The following SPAG16 variants were observed in gnomAD, a reference collection of about 807,000 sequenced individuals.
The protein encoded by SPAG16 is sperm-associated antigen 16 protein.
In SPAG16, 86 loss-of-function variants were observed where a neutral mutation model predicts 80.4. The ratio of observed to expected loss-of-function variants is 1.07; its 90% CI spans 0.90 to 1.28. The LOEUF is 1.28. SPAG16 is among the 50% of genes most tolerant of loss of function. SPAG16 has a pLI of 0.00. For synonymous variants in SPAG16, 294 were observed against 265.9 expected, an observed-to-expected ratio of 1.11 and a Z score of -1.03; for missense variants, 870 against 765.3, an observed-to-expected ratio of 1.14 and a Z score of -1.61.
At chr2:213,707,314 T>G (rs78692194) in intron 10 of SPAG16, among the ~76,000 whole-genome samples, 2 of 152,232 alleles carry the variant, frequency 1.3e-5, no homozygotes, top group Admixed American at 1.3e-4. Context: ...AACGTATTTC[T>G]TCAGTTCTTC....
rs1162913335 is a variant in SPAG16 at position 213,859,198 on chromosome 2, AAAAAAAAAAAAAAAAAAAC to A, written c.1071-3286_1071-3268del. Among the ~76,000 whole-genome samples, 1,309 of 142,126 alleles carry A rather than the reference AAAAAAAAAAAAAAAAAAAC, an allele frequency of 9.2e-3. 56 individuals carry two copies. The highest frequency in any genetic ancestry group is 0.032 in the African/African-American group (1,202 of 38,116). 93.2% of individuals were successfully genotyped at this position (142,126 alleles called of 152,430 possible). On this transcript the variant is annotated intron_variant, in intron 10 of 15. Transcript: ENST00000331683. ...CGTCTCAAAAAAAAAAAAAAAAAAA[AAAAAAAAAAAAAAAAAAAC>A]TCAATGTCCTCTGACAACTTGATGT... is the stretch of plus-strand genomic sequence containing the variant.
At chr2:213,326,660 A>G (rs1194675656) in intron 5 of SPAG16, among the ~76,000 whole-genome samples, 1 of 152,018 alleles carries the variant, frequency 6.6e-6, no homozygotes, top group Non-Finnish European at 1.5e-5. Flanking sequence ...TGTAACTACT[A>G]TTATCAGAAA....
At chr2:214,293,043 T>A (rs1241288365) in intron 15 of SPAG16, among the ~76,000 whole-genome samples, 1 of 152,302 alleles carries the variant, frequency 6.6e-6, no homozygotes, top group East Asian at 1.9e-4. Flanking sequence ...CCAGTGGTGG[T>A]AGTGGTGGGC....
chr2:213,651,568 G>A (rs1288293888), intron 10 of SPAG16, among the ~76,000 whole-genome samples: 1 of 152,084 alleles, frequency 6.6e-6, no homozygotes, highest in African/African-American at 2.4e-5. Flanking sequence ...AACAACAAAA[G>A]CTCTCTTGAC....
chr2:213,533,849 T>C (rs1357437674), intron 10 of SPAG16, among the ~76,000 whole-genome samples: 1 of 152,172 alleles, frequency 6.6e-6, no homozygotes, highest in Admixed American at 6.5e-5. Flanking sequence ...ATGCATGATA[T>C]TAACTTAATG....
chr2:213,579,255 C>T (rs1017447073), intron 10 of SPAG16, among the ~76,000 whole-genome samples: 4 of 152,066 alleles, frequency 2.6e-5, no homozygotes, highest in African/African-American at 7.2e-5. Flanking sequence ...TGGATCTGAG[C>T]AGGGCTGATG....
chr2:214,031,004 G>C (rs2048377526), intron 13 of SPAG16, among the ~76,000 whole-genome samples: 1 of 152,158 alleles, frequency 6.6e-6, no homozygotes, highest in African/African-American at 2.4e-5. Flanking sequence ...GTATTAGTTT[G>C]TTCTCACTTT....
chr2:214,247,693 C>T (rs1689946127), intron 15 of SPAG16, among the ~76,000 whole-genome samples: 1 of 152,070 alleles, frequency 6.6e-6, no homozygotes, highest in Non-Finnish European at 1.5e-5. Flanking sequence ...AGGACAGGTA[C>T]ATTTTCATGA....
At chr2:213,792,988 G>A (rs930998285) in intron 10 of SPAG16, among the ~76,000 whole-genome samples, 18 of 148,384 alleles carry the variant, frequency 1.2e-4, no homozygotes, top group African/African-American at 3.2e-4. Context: ...GTGCAATGGC[G>A]TGATCTCACC....
At chr2:214,227,723 T>TGG (rs1688373075) in intron 15 of SPAG16, among the ~76,000 whole-genome samples, 1 of 151,434 alleles carries the variant, frequency 6.6e-6, no homozygotes, top group African/African-American at 2.4e-5. Flanking sequence ...TGTGTGTGTG[T>TGG]GTGTGTGTGT....
chr2:213,544,189 C>T (rs944728860), intron 10 of SPAG16, among the ~76,000 whole-genome samples: 1 of 151,772 alleles, frequency 6.6e-6, no homozygotes, highest in Non-Finnish European at 1.5e-5. Flanking sequence ...ACTTCTTTGA[C>T]TTTATCTTGG....
chr2:213,596,293 C>A (rs540400001), intron 10 of SPAG16, among the ~76,000 whole-genome samples: 73 of 152,188 alleles, frequency 4.8e-4, no homozygotes, highest in African/African-American at 1.8e-3. Flanking sequence ...ATATCCTTGT[C>A]TTTCTCATGA....
intron 12 of SPAG16, among the ~76,000 whole-genome samples, chr2:213,951,440 A>C (rs1423450579): frequency 6.6e-6 from 1 of 152,194 alleles, no homozygotes; most frequent in African/African-American, 2.4e-5. Context: ...GAAACATTCA[A>C]GATCAAGACA....
At chr2:214,056,761 C>T (rs987097881) in intron 13 of SPAG16, among the ~76,000 whole-genome samples, 5 of 152,172 alleles carry the variant, frequency 3.3e-5, no homozygotes, top group African/African-American at 1.2e-4. Context: ...ACATTTTACC[C>T]ACAGTAGAAA....
intron 6 of SPAG16, among the ~76,000 whole-genome samples, chr2:213,341,896 A>G (rs1411988622): frequency 1.3e-5 from 2 of 152,176 alleles, no homozygotes; most frequent in African/African-American, 4.8e-5. Flanking sequence ...TTTCAGAATT[A>G]TCTATAGCTA....
intron 13 of SPAG16, among the ~76,000 whole-genome samples, chr2:214,104,839 C>G (rs2053294018): frequency 6.6e-6 from 1 of 152,000 alleles, no homozygotes; most frequent in African/African-American, 2.4e-5. Flanking sequence ...AGGGAGCTAG[C>G]ACAGCAGCCA....
At chr2:214,265,618 G>A (rs1388415870) in intron 15 of SPAG16, among the ~76,000 whole-genome samples, 1 of 151,902 alleles carries the variant, frequency 6.6e-6, no homozygotes, top group African/African-American at 2.4e-5. Context: ...ATGAGGTACA[G>A]TGTATAATTT....
At chr2:214,279,574 A>T (rs1007856241) in intron 15 of SPAG16, among the ~76,000 whole-genome samples, 3 of 152,176 alleles carry the variant, frequency 2.0e-5, no homozygotes, top group African/African-American at 7.2e-5. Context: ...TTTGGAATTC[A>T]CAGAATAGAG....
At chr2:214,108,479 A>ACACACCCCC (rs71409874) in intron 14 of SPAG16, among the ~76,000 whole-genome samples, 1 of 52,412 alleles carries the variant, frequency 1.9e-5, no homozygotes, top group Non-Finnish European at 4.4e-5. Flanking sequence ...ACACACACAC[A>ACACACCCCC]CCCCCACACA....
Sources: allele counts gnomAD v4.1 joint callset (sites outside exome capture counted in the v4.1 genomes callset), GRCh38; gene constraint gnomAD v4.1.1; transcripts MANE v1.5; gene names NCBI Gene and HGNC (gene_info 2026-07-23, HGNC 2026-07-21).